The following PHTF1 variants were observed in gnomAD, a reference collection of about 807,000 sequenced individuals.
The protein encoded by PHTF1 is protein PHTF1.
A neutral mutation model predicts 102.4 loss-of-function variants in PHTF1; 88 were observed. That is an observed-to-expected ratio of 0.86 (90% CI 0.72 to 1.03). PHTF1 has a LOEUF of 1.03. PHTF1 is among the 50% of genes least tolerant of loss of function. The pLI, the probability that PHTF1 is intolerant of heterozygous loss-of-function variation, is 0.00. For missense variants in PHTF1, 814 were observed against 909.5 expected (o/e 0.89, Z 1.35); for synonymous variants, 289 against 305.2 (o/e 0.95, Z 0.55).
At position 113,702,657 on chromosome 1, in the gene PHTF1, A is replaced by G. The variant is rs201648883; in HGVS notation, c.1890+1424T>C. The stretch of plus-strand genomic sequence containing the variant: ...GTCCCGGCTACCAGAAAAAAAAGGA[A>G]GAAGAAGAACGAATGAACAAACACC... On this transcript the variant is annotated intron_variant, in intron 15 of 18. Coordinates refer to ENST00000369604, the MANE Select transcript of PHTF1 (RefSeq NM_001323043.2). 2.2e-4 allele frequency among the ~76,000 whole-genome samples: 33 copies of G among 152,218 alleles called. 1 individual carries two copies. In the East Asian group the frequency reaches 5.8e-3, roughly 27 times the overall value.
chr1:113,722,507 T>G (rs1653121800), intron 7 of PHTF1, among the ~76,000 whole-genome samples: 1 of 152,152 alleles, frequency 6.6e-6, no homozygotes, highest in Non-Finnish European at 1.5e-5. Context: ...ACTGGAAGAA[T>G]GACTATTGTT....
intron 17 of PHTF1, 138 bp downstream of exon 17, chr1:113,699,566 C>G: frequency 1.5e-6 from 1 of 670,356 alleles, no homozygotes; most frequent in Non-Finnish European, 2.7e-6. Flanking sequence ...GTGACCCCTA[C>G]CCCTGATGCC....
chr1:113,746,801 TA>T lies in PHTF1; in HGVS notation c.103-8003del, dbSNP rs3842500. 1.6e-3 allele frequency: 1,117 copies of T among 692,486 alleles called. 29 individuals carry two copies. The South Asian group carries it at 0.052, about 32-fold the overall frequency. The allele number at this position is 692,486 out of a possible 1,614,324, so 42.9% of individuals were successfully genotyped here. A position where few individuals can be genotyped will look rare whatever the true frequency, so the allele number is the denominator to read the frequency against. On this transcript the variant is annotated intron_variant, in intron 3 of 18. Transcript: ENST00000369604. ...AATTAAATCTTTATTTGTACTAAAA[TA>T]ATACTCATATTACAAGGTTAATAAA...
chr1:113,754,428 T>C (rs942284371), intron 3 of PHTF1, among the ~76,000 whole-genome samples: 3 of 151,888 alleles, frequency 2.0e-5, no homozygotes, highest in Admixed American at 6.6e-5. Flanking sequence ...AAAAAAATGA[T>C]TGAATGTTTT....
At chr1:113,712,195 C>A in intron 8 of PHTF1, 82 bp from the exon 9 acceptor site, 1 of 1,091,356 alleles carries the variant, frequency 9.2e-7, no homozygotes, top group Non-Finnish European at 1.3e-6. Context: ...AAAAAAAAAT[C>A]ATACAAAAAC....
At chr1:113,752,315 T>A (rs894778898) in intron 3 of PHTF1, among the ~76,000 whole-genome samples, 2 of 151,462 alleles carry the variant, frequency 1.3e-5, no homozygotes, top group Non-Finnish European at 2.9e-5. Flanking sequence ...TGTTGGTATA[T>A]AGAAATACAA....
chr1:113,743,528 A>T (rs938305714), intron 3 of PHTF1, among the ~76,000 whole-genome samples: 5 of 152,206 alleles, frequency 3.3e-5, no homozygotes, highest in Admixed American at 3.3e-4. Context: ...ATAGTATAGT[A>T]AATATATAAA....
chr1:113,757,801 C>A, intron 2 of PHTF1, 46 bp from the exon 3 acceptor site: 1 of 1,209,536 alleles, frequency 8.3e-7, no homozygotes, highest in African/African-American at 1.5e-5. Context: ...AAAGGAAATC[C>A]TTACATTATT....
chr1:113,723,230 T>C (rs1237297661), intron 7 of PHTF1, among the ~76,000 whole-genome samples: 4 of 148,106 alleles, frequency 2.7e-5, no homozygotes, highest in African/African-American at 1.0e-4. Flanking sequence ...TAGGCTGGAG[T>C]AAAGTGGTGA....
intron 6 of PHTF1, 61 bp from the exon 7 acceptor site, chr1:113,724,954 AT>A (rs1653603683): frequency 8.4e-7 from 1 of 1,197,534 alleles, no homozygotes; most frequent in African/African-American, 1.5e-5. Flanking sequence ...TCTGCCAAAA[AT>A]ATCCCTACAG....
At chr1:113,729,556 TA>T (rs879662543) in intron 5 of PHTF1, among the ~76,000 whole-genome samples, 36 of 145,902 alleles carry the variant, frequency 2.5e-4, no homozygotes, top group South Asian at 6.5e-4. Flanking sequence ...ATTAAAAAGT[TA>T]AAAAAAAAAA....
In PHTF1 at chr1:113,704,115, A is replaced by C; in HGVS notation, c.1856T>G (p.Leu619Arg). 1 of 1,613,566 alleles carries C rather than the reference A, an allele frequency of 6.2e-7. No homozygotes were observed. The change falls in exon 15 of 19, where the codon CTG becomes CGG. Residue 619 changes from leucine to arginine, a missense_variant. Transcript: ENST00000369604. Reference sequence around the variant, plus strand: ...ACAAATGAAAGCAATCGAAAGTGTCAGTAGGAAAACCGAGGATACAACCAC... The same window carrying C: ...ACAAATGAAAGCAATCGAAAGTGTCCGTAGGAAAACCGAGGATACAACCAC... ...VDVVVSSVFL[L>R]TLSIAFICCA...
intron 7 of PHTF1, 41 bp from the exon 8 acceptor site, chr1:113,713,479 G>C (rs1651492184): frequency 1.8e-6 from 2 of 1,138,640 alleles, no homozygotes; most frequent in Admixed American, 4.7e-5. Context: ...TTTTTTGAAA[G>C]TAACACCTTT....
In PHTF1 at chr1:113,698,337, G is replaced by C. The variant is rs1262516216; in HGVS notation, c.2193C>G (p.Ile731Met). The C allele has an allele frequency of 1.9e-6, 3 of 1,607,328 alleles. No homozygotes were observed. Among genetic ancestry groups the C allele is most frequent in the Non-Finnish European group, 2.6e-6 (3 of 1,173,976 alleles). Residue 731 changes from isoleucine to methionine, a missense_variant, in exon 18 of 19, where the codon ATC (isoleucine) becomes ATG (methionine). Ile to Met is a conservative substitution (Grantham distance 10, BLOSUM62 1). Transcript: ENST00000369604. ...GGATAACTACTCTTGTGATATTGTAGATTAAGGGATTCATTGTCAGTCCAT... is the reference window on the plus strand; with the variant it reads ...GGATAACTACTCTTGTGATATTGTACATTAAGGGATTCATTGTCAGTCCAT... ...RLYGLTMNPL[I>M]YNITRVVILS...
intron 3 of PHTF1, among the ~76,000 whole-genome samples, chr1:113,753,205 AT>A (rs1658344100): frequency 6.6e-6 from 1 of 152,240 alleles, no homozygotes. Flanking sequence ...ACATACATTC[AT>A]AACGAATGTT....
At chr1:113,746,723 C>T (rs1657304402) in intron 3 of PHTF1, 1 of 182,582 alleles carries the variant, frequency 5.5e-6, no homozygotes, top group African/African-American at 2.4e-5. Context: ...TATCCTATTA[C>T]TCAGGTAACA....
At chr1:113,746,183 A>C (rs1657211070) in intron 3 of PHTF1, among the ~76,000 whole-genome samples, 1 of 152,258 alleles carries the variant, frequency 6.6e-6, no homozygotes, top group Non-Finnish European at 1.5e-5. Context: ...CCAGGTAATT[A>C]GAAGCGTGAA....
intron 5 of PHTF1, among the ~76,000 whole-genome samples, chr1:113,731,749 T>C (rs951876034): frequency 6.6e-6 from 1 of 150,518 alleles, no homozygotes; most frequent in East Asian, 2.0e-4. Context: ...ACAAAAAAAT[T>C]TGCCAGGCAT....
rs1324918550 is a variant in PHTF1 at position 113,745,030 on chromosome 1, G to A, written c.103-6231C>T. On this transcript the variant is annotated intron_variant, in intron 3 of 18. Transcript: ENST00000369604. ...GGCAGGGCAGGAGAGGGCAAGGCAG[G>A]GCAGGGCAGGGCAGGGCAGGGCAAG... Among the ~76,000 whole-genome samples the A allele has an allele frequency of 2.7e-5, 4 of 150,288 alleles. No individual in the cohort carries two copies. In the South Asian group the frequency reaches 8.4e-4, roughly 32 times the overall value.
Sources: gnomAD v4.1 joint callset for allele counts (sites outside exome capture counted in the v4.1 genomes callset) on GRCh38, gnomAD v4.1.1 for gene constraint, MANE v1.5 for transcripts, NCBI Gene and HGNC (gene_info 2026-07-23, HGNC 2026-07-21) for gene names.